COL24A1: variants seen among roughly 807,000 people sequenced by gnomAD.
The protein encoded by COL24A1 is collagen alpha-1(XXIV) chain.
A neutral mutation model predicts 253.9 loss-of-function variants in COL24A1; 224 were observed. The ratio of observed to expected loss-of-function variants is 0.88; its 90% CI spans 0.79 to 0.99. The LOEUF (loss-of-function observed/expected upper bound fraction) is 0.99, where lower values mean the gene tolerates loss of function less well. Ranked by LOEUF, COL24A1 falls within the 50% of genes least tolerant of loss-of-function variation. COL24A1 has a pLI of 0.00. For missense variants in COL24A1, 2,131 were observed against 2,068.5 expected (o/e 1.03, Z -0.59); for synonymous variants, 685 against 673.7 (o/e 1.02, Z -0.26).
chr1:86,083,276 C>T (rs1192372867), intron 7 of COL24A1, among the ~76,000 whole-genome samples: 5 of 150,400 alleles, frequency 3.3e-5, no homozygotes, highest in Admixed American at 1.3e-4. Context: ...CCAGCCTGGG[C>T]GACAGAGCGA....
chr1:85,840,844 T>A (rs1260062897), intron 42 of COL24A1, among the ~76,000 whole-genome samples: 1 of 152,044 alleles, frequency 6.6e-6, no homozygotes, highest in Admixed American at 6.5e-5. Context: ...AAGAAGTATA[T>A]AGATAAGATT....
intron 23 of COL24A1, among the ~76,000 whole-genome samples, chr1:85,964,556 T>C (rs910561052): frequency 2.6e-5 from 4 of 152,088 alleles, no homozygotes; most frequent in Non-Finnish European, 5.9e-5. Context: ...ATCACATACA[T>C]AGATATAGAT....
intron 7 of COL24A1, 87 bp downstream of exon 7, chr1:86,089,087 T>C: frequency 1.9e-6 from 2 of 1,046,984 alleles, no homozygotes; most frequent in Non-Finnish European, 1.4e-6. Flanking sequence ...ATCATCCAAT[T>C]ATGTTTCAGA....
At chr1:86,121,231 G>T (rs1364178097) in intron 3 of COL24A1, among the ~76,000 whole-genome samples, 1 of 152,072 alleles carries the variant, frequency 6.6e-6, no homozygotes, top group Non-Finnish European at 1.5e-5. Context: ...CATGGCACAT[G>T]TATACATATG....
At chr1:85,924,466 T>C (rs749585853) in intron 24 of COL24A1, among the ~76,000 whole-genome samples, 38 of 152,196 alleles carry the variant, frequency 2.5e-4, no homozygotes, top group Non-Finnish European at 3.5e-4. Flanking sequence ...AAAAAGCTTA[T>C]CCACCATTAC....
At chr1:85,856,397 G>A (rs139224841) in intron 37 of COL24A1, among the ~76,000 whole-genome samples, 3 of 152,232 alleles carry the variant, frequency 2.0e-5, no homozygotes, top group Admixed American at 6.5e-5. Context: ...TTGTATCACT[G>A]TTTTCATTAG....
chr1:85,818,824 T>C (rs1310433757), intron 45 of COL24A1, among the ~76,000 whole-genome samples: 4 of 152,198 alleles, frequency 2.6e-5, no homozygotes, highest in Non-Finnish European at 5.9e-5. Flanking sequence ...ACCAGACACA[T>C]TTCTCAGAAA....
chr1:86,109,055 A>G (rs1391610959), intron 5 of COL24A1, among the ~76,000 whole-genome samples: 1 of 152,232 alleles, frequency 6.6e-6, no homozygotes, highest in African/African-American at 2.4e-5. Context: ...GGAGGCAATT[A>G]GCAGGAATAT....
At position 85,936,161 on chromosome 1, in the gene COL24A1, G is replaced by GA. The variant is rs112958366; in HGVS notation, c.2563-24729dup. Among the ~76,000 whole-genome samples the GA allele has an allele frequency of 4.5e-4, 30 of 67,342 alleles. 1 individual carries two copies. Among genetic ancestry groups the GA allele is most frequent in the African/African-American group, 7.4e-4 (20 of 26,852 alleles). 44.2% of individuals were successfully genotyped at this position (67,342 alleles called of 152,430 possible). A position where few individuals can be genotyped will look rare whatever the true frequency, so the allele number is the denominator to read the frequency against. ...TATGCCAAAGTCAGGGTCTTGGTTAGAAAAAAAAAAATGGAACTCTGATAC... is the reference window on the plus strand; with the variant it reads ...TATGCCAAAGTCAGGGTCTTGGTTAGAAAAAAAAAAAATGGAACTCTGATAC... On this transcript the variant is annotated intron_variant, in intron 24 of 59. Coordinates refer to ENST00000370571, the MANE Select transcript of COL24A1 (RefSeq NM_152890.7).
intron 13 of COL24A1, among the ~76,000 whole-genome samples, chr1:86,032,293 A>G (rs1698638531): frequency 6.6e-6 from 1 of 152,204 alleles, no homozygotes; most frequent in Non-Finnish European, 1.5e-5. Flanking sequence ...GTAGGGTTAG[A>G]AAAACATTTT....
At chr1:85,858,652 C>CTTCCTTCCTTCCTTCT (rs1678764510) in intron 37 of COL24A1, among the ~76,000 whole-genome samples, 3 of 148,872 alleles carry the variant, frequency 2.0e-5, no homozygotes, top group Non-Finnish European at 4.5e-5. Flanking sequence ...TCCTTCCTTC[C>CTTCCTTCCTTCCTTCT]TTCCTTCCTT....
In COL24A1 at chr1:85,936,684, T is replaced by C. The variant is rs1283772982; in HGVS notation, c.2562+24565A>G. 1.4e-5 allele frequency among the ~76,000 whole-genome samples: 2 copies of C among 147,190 alleles called. 1 individual carries two copies. The highest frequency in any genetic ancestry group is 1.4e-4 in the Admixed American group (2 of 14,670). On this transcript the variant is annotated intron_variant, in intron 24 of 59. Coordinates refer to ENST00000370571, the MANE Select transcript of COL24A1 (RefSeq NM_152890.7). Reference sequence around the variant, plus strand: ...AGCTGTGAGGCAAGCAGTCCTGTACTTTGGGCCACATGACCTGGCAGACCC... The same window carrying C: ...AGCTGTGAGGCAAGCAGTCCTGTACCTTGGGCCACATGACCTGGCAGACCC...
At chr1:85,786,660 A>G (rs556088361) in intron 47 of COL24A1, among the ~76,000 whole-genome samples, 199 bp from the exon 48 acceptor site, 2 of 152,210 alleles carry the variant, frequency 1.3e-5, no homozygotes, top group Non-Finnish European at 2.9e-5. Flanking sequence ...TGAAATTTCT[A>G]TAATTTATGC....
intron 4 of COL24A1, among the ~76,000 whole-genome samples, chr1:86,113,524 G>GA (rs1434207198): frequency 2.6e-5 from 4 of 152,110 alleles, no homozygotes; most frequent in Non-Finnish European, 4.4e-5. Flanking sequence ...CTAGCAAGAT[G>GA]AAAACTAAAG....
At chr1:86,133,684 A>G (rs1175066047) in intron 2 of COL24A1, among the ~76,000 whole-genome samples, 2 of 152,202 alleles carry the variant, frequency 1.3e-5, no homozygotes, top group African/African-American at 4.8e-5. Flanking sequence ...CCAGCCTTGC[A>G]TCCCAGGGAT....
At chr1:85,891,984 A>T (rs1433978497) in intron 31 of COL24A1, among the ~76,000 whole-genome samples, 1 of 152,174 alleles carries the variant, frequency 6.6e-6, no homozygotes, top group African/African-American at 2.4e-5. Context: ...AATGATGACC[A>T]TGAGGATAAT....
At chr1:86,063,861 C>T (rs1701287538) in intron 7 of COL24A1, 102 bp from the exon 8 acceptor site, 1 of 563,516 alleles carries the variant, frequency 1.8e-6, no homozygotes, top group Admixed American at 3.1e-5. Flanking sequence ...CTTTTGGTTG[C>T]CTCATCAATA....
intron 47 of COL24A1, among the ~76,000 whole-genome samples, chr1:85,806,054 C>T (rs1671929633): frequency 7.6e-6 from 1 of 131,442 alleles, no homozygotes; most frequent in Non-Finnish European, 1.6e-5. Flanking sequence ...CCAGGTTGGG[C>T]GACAGAGCGA....
At chr1:86,022,506 T>G (rs769093976) in intron 17 of COL24A1, 32 bp downstream of exon 17, 2 of 1,566,498 alleles carry the variant, frequency 1.3e-6, no homozygotes, top group Non-Finnish European at 1.7e-6. Flanking sequence ...CACTTTTTCA[T>G]ATTTACATAA....
Sources: gnomAD v4.1 joint callset for allele counts (sites outside exome capture counted in the v4.1 genomes callset) on GRCh38, gnomAD v4.1.1 for gene constraint, MANE v1.5 for transcripts, NCBI Gene and HGNC (gene_info 2026-07-23, HGNC 2026-07-21) for gene names.